Variants in RALGDS observed in about 807,000 individuals in gnomAD.
RALGDS encodes ral guanine nucleotide dissociation stimulator.
Under a neutral mutation model 99.8 loss-of-function variants are expected in RALGDS, and 44 were observed. The observed-to-expected ratio is 0.44, with a 90% CI of 0.35 to 0.57. RALGDS has a LOEUF of 0.57. Among genes scored for constraint, RALGDS ranks in the 20% least tolerant of loss-of-function variants. The probability of loss-of-function intolerance (pLI) is 0.01; values close to 1 mark genes in which losing one functional copy is unlikely to be tolerated. For missense variants in RALGDS, 1,022 were observed against 1,203.1 expected (o/e 0.85, Z 2.23); for synonymous variants, 529 against 505.0 (o/e 1.05, Z -0.64).
chr9:133,145,937 C>A (rs1832615880), intron 1 of RALGDS, among the ~76,000 whole-genome samples: 1 of 152,180 alleles, frequency 6.6e-6, no homozygotes, highest in Non-Finnish European at 1.5e-5. Flanking sequence ...GATTTTGGAC[C>A]TCTGGCCTTT....
chr9:133,148,681 A>G (rs1232630994), intron 1 of RALGDS, among the ~76,000 whole-genome samples: 1 of 152,216 alleles, frequency 6.6e-6, no homozygotes, highest in African/African-American at 2.4e-5. Context: ...TCATTCCCAA[A>G]GCAAACCCCA....
At chr9:133,128,848 T>C (rs748411532) in intron 1 of RALGDS, among the ~76,000 whole-genome samples, 40 of 152,200 alleles carry the variant, frequency 2.6e-4, no homozygotes, top group African/African-American at 9.4e-4. Context: ...AAGCACCCTC[T>C]GGACGGAGCT....
Position 133,098,671 on chromosome 9 carries a change from C to T in RALGDS, c.2661G>A (p.Lys887=). The T allele has an allele frequency of 6.2e-7, 1 of 1,613,990 alleles. No individual in the cohort carries two copies. ...TGGCTCCGTGCTTGACCTTCACTCC[C>T]TTGGTGAAGGTCCGCTTCTTGAGGA... ...DFVLKKRTFT[K]GVKVKHGASS... The change falls in exon 18 of 18, where the codon AAG becomes AAA. Residue 887 remains lysine, a synonymous_variant. Transcript: ENST00000372050.
chr9:133,127,055 C>T (rs992670177), intron 1 of RALGDS, among the ~76,000 whole-genome samples: 6 of 152,252 alleles, frequency 3.9e-5, no homozygotes, highest in Non-Finnish European at 7.3e-5. Flanking sequence ...ACTGCTGCAG[C>T]TCCTTCTTCA....
chr9:133,138,489 G>A (rs1461033150), intron 1 of RALGDS, among the ~76,000 whole-genome samples: 1 of 152,206 alleles, frequency 6.6e-6, no homozygotes, highest in Non-Finnish European at 1.5e-5. Context: ...CTCCATGCCA[G>A]CATCATGGTG....
In RALGDS at chr9:133,112,020, T is replaced by C. The variant is rs771781425; in HGVS notation, c.294+22A>G. 22 of 1,528,730 alleles carry C rather than the reference T, an allele frequency of 1.4e-5. No individual in the cohort carries two copies. The South Asian group carries it at 2.4e-4, about 17-fold the overall frequency. 94.7% of individuals were successfully genotyped at this position (1,528,730 alleles called of 1,614,324 possible). On this transcript the variant is annotated intron_variant, in intron 2 of 17. Transcript: ENST00000372050. Reference sequence around the variant, plus strand: ...AGGGATCCCCAGCTGCGTCTCCCAGTGGAGACCCCGAGCGCACTCACCCCG... The same window carrying C: ...AGGGATCCCCAGCTGCGTCTCCCAGCGGAGACCCCGAGCGCACTCACCCCG...
chr9:133,120,454 G>T (rs1398214363), intron 1 of RALGDS, among the ~76,000 whole-genome samples: 1 of 104,304 alleles, frequency 9.6e-6, no homozygotes, highest in Admixed American at 1.2e-4. Context: ...GCTCTGAGCA[G>T]CCCCGATGTC....
Position 133,108,938 on chromosome 9 carries a change from C to G in RALGDS, c.585-72G>C, listed in dbSNP as rs942004169. 3 of 1,450,506 alleles carry G rather than the reference C, an allele frequency of 2.1e-6. No homozygotes were observed. The African/African-American group carries it at 4.2e-5, about 20-fold the overall frequency. 89.9% of individuals were successfully genotyped at this position (1,450,506 alleles called of 1,614,324 possible). ...GAGCCAGGCTGGGCTCCTGAGCCGGCCCCTGTCCATCTGAAGGCCACCTGC... is the reference window on the plus strand; with the variant it reads ...GAGCCAGGCTGGGCTCCTGAGCCGGGCCCTGTCCATCTGAAGGCCACCTGC... On this transcript the variant is annotated intron_variant, in intron 4 of 17. Transcript: ENST00000372050.
intron 1 of RALGDS, among the ~76,000 whole-genome samples, chr9:133,117,976 G>A (rs1439426695): frequency 3.9e-5 from 6 of 152,212 alleles, no homozygotes; most frequent in Non-Finnish European, 2.9e-5. Context: ...CTCTGGCAAC[G>A]AGCAGCTTGA....
intron 12 of RALGDS, 102 bp downstream of exon 12, chr9:133,103,121 AATGTCCC>A (rs1830841488): frequency 1.3e-6 from 2 of 1,485,752 alleles, no homozygotes; most frequent in Admixed American, 1.7e-5. Flanking sequence ...TCTGTGTCCA[AATGTCCC>A]ATGTCCCATG....
upstream of RALGDS, among the ~76,000 whole-genome samples, chr9:133,132,427 C>A (rs1044595909): frequency 6.6e-6 from 1 of 152,120 alleles, no homozygotes; most frequent in African/African-American, 2.4e-5. Flanking sequence ...GGTTCGGCTG[C>A]CACTCCAGGT....
Position 133,144,997 on chromosome 9 carries a change from T to C in RALGDS, c.18+3966A>G, listed in dbSNP as rs886071344. Among the ~76,000 whole-genome samples the C allele has an allele frequency of 9.9e-5, 15 of 152,224 alleles. No individual in the cohort carries two copies. The South Asian group carries it at 2.5e-3, about 25-fold the overall frequency. On this transcript the variant is annotated intron_variant, in intron 1 of 17. Transcript: ENST00000393160. This position sits in a 1 kb window ranked among gnomAD's most constrained non-coding sequence, Gnocchi z 4.5. ...GAACTGATGAAGGCACAGTTTGCAG[T>C]CACACGTCTACAAAACCAGGAACGA...
intron 12 of RALGDS, 31 bp from the exon 13 acceptor site, chr9:133,102,931 C>A: frequency 6.2e-7 from 1 of 1,611,314 alleles, no homozygotes; most frequent in Non-Finnish European, 8.5e-7. Context: ...AGGGCGGTGA[C>A]AAGGCCCCCC....
intron 6 of RALGDS, 142 bp from the exon 7 acceptor site, chr9:133,107,442 C>A (rs1015246845): frequency 1.3e-6 from 1 of 798,334 alleles, no homozygotes; most frequent in Non-Finnish European, 2.1e-6. Context: ...CACAAGTGAC[C>A]CGGGACAGAA....
At chr9:133,113,553 C>T (rs960178016) in intron 1 of RALGDS, among the ~76,000 whole-genome samples, 1 of 152,236 alleles carries the variant, frequency 6.6e-6, no homozygotes, top group African/African-American at 2.4e-5. Context: ...ACACTCACAC[C>T]CACACCCCAC....
At chr9:133,120,107 G>A (rs1281256357) in intron 1 of RALGDS, among the ~76,000 whole-genome samples, 2 of 152,160 alleles carry the variant, frequency 1.3e-5, no homozygotes, top group Admixed American at 6.5e-5. Context: ...AGCAGGGCGA[G>A]GGGGGCATCT....
upstream of RALGDS, chr9:133,121,256 G>T (rs542595264): frequency 2.6e-3 from 2,559 of 987,134 alleles, 3 homozygotes; most frequent in Non-Finnish European, 2.9e-3. Context: ...CCCGCGGCCC[G>T]GCCCTGCTGA....
At chr9:133,139,157 C>T (rs564823816) in intron 1 of RALGDS, among the ~76,000 whole-genome samples, 21 of 152,302 alleles carry the variant, frequency 1.4e-4, no homozygotes, top group Admixed American at 9.8e-4. Flanking sequence ...TGCACCTGCC[C>T]CCAACACACG....
rs1264319852 is a variant in RALGDS, at chr9:133,121,195, G to A, written c.-41C>T. 8 of 883,940 alleles carry A rather than the reference G, an allele frequency of 9.1e-6. No individual in the cohort carries two copies. Among genetic ancestry groups the A allele is most frequent in the Admixed American group, 6.8e-5 (1 of 14,614 alleles). The allele number at this position is 883,940 out of a possible 1,614,324, so 54.8% of individuals were successfully genotyped here. Reference sequence around the variant, plus strand: ...CGGGCGCGGGGCCGGCCCGGCGCGCGGCGGGGGCGGCGGCGCGGCCCGCGC... The same window carrying A: ...CGGGCGCGGGGCCGGCCCGGCGCGCAGCGGGGGCGGCGGCGCGGCCCGCGC... On this transcript the variant is annotated 5_prime_UTR_variant, in exon 1 of 18. Transcript: ENST00000372050.
Sources: allele counts gnomAD v4.1 joint callset (sites outside exome capture counted in the v4.1 genomes callset), GRCh38; gene constraint gnomAD v4.1.1; non-coding constraint Gnocchi (gnomAD v3.1); transcripts MANE v1.5; gene names NCBI Gene and HGNC (gene_info 2026-07-23, HGNC 2026-07-21).